SLC22A14: variants seen among roughly 807,000 people sequenced by gnomAD.
SLC22A14 encodes organic cation transporter-like 4.
A neutral mutation model predicts 53.9 loss-of-function variants in SLC22A14; 50 were observed. That is an observed-to-expected ratio of 0.93 (90% CI 0.74 to 1.17). SLC22A14 has a LOEUF of 1.17. Among genes scored for constraint, SLC22A14 ranks in the 50% most tolerant of loss-of-function variants. The probability of loss-of-function intolerance (pLI) is 0.00; values close to 1 mark genes in which losing one functional copy is unlikely to be tolerated. For missense variants in SLC22A14, 671 were observed against 734.7 expected (o/e 0.91, Z 1.00); for synonymous variants, 312 against 303.0 (o/e 1.03, Z -0.31).
chr3:38,285,893 C>T (rs1703780797), intron 1 of SLC22A14, among the ~76,000 whole-genome samples: 1 of 152,138 alleles, frequency 6.6e-6, no homozygotes, highest in South Asian at 2.1e-4. Flanking sequence ...ATAATTCTGC[C>T]AGGAATGTAT....
intron 1 of SLC22A14, 92 bp from the exon 2 acceptor site, chr3:38,305,935 A>G: frequency 3.8e-6 from 5 of 1,310,174 alleles, no homozygotes; most frequent in Non-Finnish European, 5.3e-6. Context: ...TTCAAGCCAG[A>G]GGCCAGTTCC....
intron 1 of SLC22A14, among the ~76,000 whole-genome samples, chr3:38,298,006 C>T (rs572684218): frequency 1.8e-4 from 27 of 152,200 alleles, no homozygotes; most frequent in African/African-American, 3.4e-4. Context: ...CTTATTACTG[C>T]GGGATTCTAC....
chr3:38,284,770 C>A (rs1703753076), intron 1 of SLC22A14, among the ~76,000 whole-genome samples: 1 of 151,760 alleles, frequency 6.6e-6, no homozygotes, highest in Non-Finnish European at 1.5e-5. Context: ...AAAAAAAAAT[C>A]ACAAGAACAG....
At chr3:38,284,681 G>C (rs1575398107) in intron 1 of SLC22A14, among the ~76,000 whole-genome samples, 1 of 152,134 alleles carries the variant, frequency 6.6e-6, no homozygotes, top group Non-Finnish European at 1.5e-5. Context: ...CGTAGGAAAT[G>C]TGAGAATACA....
At chr3:38,312,834 G>T (rs1393430306) in intron 5 of SLC22A14, among the ~76,000 whole-genome samples, 165 bp from the exon 6 acceptor site, 1 of 152,216 alleles carries the variant, frequency 6.6e-6, no homozygotes, top group Non-Finnish European at 1.5e-5. Flanking sequence ...CTGACCACCA[G>T]GGAGGAGCAG....
In SLC22A14 at chr3:38,313,371, T is replaced by C; in HGVS notation, c.1066-17T>C. 6.3e-7 allele frequency: 1 copy of C among 1,598,034 alleles called. No homozygotes were observed. The highest frequency in any genetic ancestry group is 8.6e-7 in the Non-Finnish European group (1 of 1,165,842). ...GGGTCTTGGCCCTGCCTCTGACTGG[T>C]CCTGCTTGTTCTGTAGCTGCAGCTG... On this transcript the variant is annotated splice_polypyrimidine_tract_variant and intron_variant, in intron 6 of 10. Transcript: ENST00000448498.
intron 1 of SLC22A14, among the ~76,000 whole-genome samples, chr3:38,300,581 C>T (rs537188460): frequency 2.0e-5 from 3 of 152,274 alleles, no homozygotes; most frequent in East Asian, 3.9e-4. Context: ...AATGAAAGTA[C>T]ATGGGAAGCC....
chr3:38,295,899 T>A (rs1704026498), intron 1 of SLC22A14, among the ~76,000 whole-genome samples: 2 of 152,136 alleles, frequency 1.3e-5, no homozygotes, highest in South Asian at 4.2e-4. Flanking sequence ...TTCACATAAC[T>A]GCCCATGTTG....
At chr3:38,305,063 C>T (rs1014166395) in intron 1 of SLC22A14, 3 of 152,324 alleles carry the variant, frequency 2.0e-5, no homozygotes, top group South Asian at 4.1e-4. Context: ...TTTAAAAGTT[C>T]ATAATCTTCC....
intron 4 of SLC22A14, 44 bp from the exon 5 acceptor site, chr3:38,308,910 G>C (rs369287311): frequency 6.3e-7 from 1 of 1,590,570 alleles, no homozygotes; most frequent in Non-Finnish European, 8.6e-7. Context: ...CAGCCCTGGG[G>C]ACCCTGACGT....
At chr3:38,310,341 G>A (rs942062662) in intron 5 of SLC22A14, among the ~76,000 whole-genome samples, 1 of 152,114 alleles carries the variant, frequency 6.6e-6, no homozygotes, top group Non-Finnish European at 1.5e-5. Context: ...TTGTATTACT[G>A]CACTCCAGCC....
intron 4 of SLC22A14, among the ~76,000 whole-genome samples, chr3:38,308,318 G>A (rs1048810127): frequency 6.6e-6 from 1 of 152,224 alleles, no homozygotes; most frequent in East Asian, 1.9e-4. Flanking sequence ...TATATGCATT[G>A]TCTCATTTCC....
At chr3:38,289,577 A>C (rs168957) in intron 1 of SLC22A14, among the ~76,000 whole-genome samples, 11,012 of 152,232 alleles carry the variant, frequency 0.072, 613 homozygotes, top group Non-Finnish European at 0.11. Context: ...GCTCTATTAG[A>C]AGCTGTGGGT....
Position 38,306,489 on chromosome 3 carries a change from T to C in SLC22A14, c.463T>C (p.Cys155Arg). 6.2e-7 allele frequency: 1 copy of C among 1,614,180 alleles called. No individual in the cohort carries two copies. The highest frequency in any genetic ancestry group is 1.1e-5 in the South Asian group (1 of 91,078). The change falls in exon 2 of 11, where the codon TGC (cysteine) becomes CGC (arginine). Residue 155 changes from cysteine (C) to arginine (R), a missense_variant. Cys to Arg is a radical substitution (Grantham distance 180). Transcript: ENST00000448498. ...GTTTGGCCTCAATGACACAGACACA[T>C]GCCAAGATGGGTGGATCTATCCTGA... ...IQFGLNDTDT[C>R]QDGWIYPDAK...
chr3:38,298,470 CT>C (rs1403910132), intron 1 of SLC22A14, among the ~76,000 whole-genome samples: 2 of 150,710 alleles, frequency 1.3e-5, no homozygotes, highest in African/African-American at 4.9e-5. Flanking sequence ...ATCTATCTAT[CT>C]ATCTAATCTA....
chr3:38,303,654 A>G (rs1017016076), intron 1 of SLC22A14: 3 of 152,152 alleles, frequency 2.0e-5, no homozygotes, highest in African/African-American at 7.2e-5. Context: ...CAATGATTGT[A>G]TTTATTTAAT....
chr3:38,300,922 G>T (rs1002927224), intron 1 of SLC22A14, among the ~76,000 whole-genome samples: 1 of 152,168 alleles, frequency 6.6e-6, no homozygotes, highest in Non-Finnish European at 1.5e-5. Flanking sequence ...TATCAGGAAT[G>T]GCTCAACCAC....
At chr3:38,314,935 G>A (rs1704578291) in intron 8 of SLC22A14, among the ~76,000 whole-genome samples, 1 of 152,242 alleles carries the variant, frequency 6.6e-6, no homozygotes, top group African/African-American at 2.4e-5. Flanking sequence ...AGAAAAGCCA[G>A]GACTGGAATG....
rs553267314 is a variant in SLC22A14, at chr3:38,313,853, C to T, written c.1290C>T (p.Leu430=). ...EVPARLCCIF[L]LQQIGRKWSL... ...CTGCCCGGCTGTGCTGCATCTTTCT[C>T]CTCCAGCAGATTGGGAGGAAGTGGA... is the stretch of plus-strand genomic sequence containing the variant. Residue 430 remains leucine (L), a synonymous_variant, in exon 8 of 11, where the codon CTC becomes CTT. Transcript: ENST00000448498. The T allele has an allele frequency of 8.1e-6, 13 of 1,614,060 alleles. No individual in the cohort carries two copies. Among genetic ancestry groups the T allele is most frequent in the South Asian group, 7.7e-5 (7 of 91,076 alleles).
Sources: allele counts gnomAD v4.1 joint callset (sites outside exome capture counted in the v4.1 genomes callset), GRCh38; gene constraint gnomAD v4.1.1; transcripts MANE v1.5; gene names NCBI Gene and HGNC (gene_info 2026-07-23, HGNC 2026-07-21).